Variants in DEAF1 observed in about 807,000 individuals in gnomAD.
DEAF1 encodes the protein deformed epidermal autoregulatory factor 1 homolog.
Under a neutral mutation model 58.9 loss-of-function variants are expected in DEAF1, and 53 were observed. The ratio of observed to expected loss-of-function variants is 0.90; its 90% CI spans 0.72 to 1.13. The LOEUF is 1.13. Among genes scored for constraint, DEAF1 ranks in the 50% most tolerant of loss-of-function variants. The pLI, the probability that DEAF1 is intolerant of heterozygous loss-of-function variation, is 0.00. For missense variants in DEAF1, 685 were observed against 791.4 expected (o/e 0.87, Z 1.61); for synonymous variants, 385 against 340.4 (o/e 1.13, Z -1.44).
chr11:694,852 C>T lies in DEAF1; in HGVS notation c.196G>A (p.Val66Met). ...CCGGGCTCCGCCGCCATCACCGCCA[C>T]TGCCGTGACCCGCGGCGTCTCCCGC... ...AERETPRVTAVAVMAAEPGHM... is the reference protein window; with the variant it reads ...AERETPRVTAMAVMAAEPGHM... Residue 66 changes from valine (V) to methionine (M), a missense_variant, in exon 1 of 12, where the codon GTG becomes ATG. By Grantham distance (21) the Val-to-Met change is conservative. Around this residue, in one of 3 missense-constraint regions of DEAF1, gnomAD observed 210 missense variants for 177.3 expected, o/e 1.18. Coordinates refer to ENST00000382409, the MANE Select transcript of DEAF1 (RefSeq NM_021008.4). 2 of 1,490,768 alleles carry T rather than the reference C, an allele frequency of 1.3e-6. No individual in the cohort carries two copies. The highest frequency in any genetic ancestry group is 1.3e-5 in the South Asian group (1 of 78,004). The allele number at this position is 1,490,768 out of a possible 1,614,324, so 92.3% of individuals were successfully genotyped here.
At chr11:690,368 G>A (rs1389946964) in intron 2 of DEAF1, among the ~76,000 whole-genome samples, 2 of 113,012 alleles carry the variant, frequency 1.8e-5, no homozygotes, top group Non-Finnish European at 3.7e-5. Flanking sequence ...GGGGAGGGGA[G>A]GGCAGGGGAG....
chr11:690,321 G>C (rs1194362464), intron 2 of DEAF1, among the ~76,000 whole-genome samples: 143 of 3,720 alleles, frequency 0.038, no homozygotes, highest in Non-Finnish European at 0.12. Flanking sequence ...GAGGGCAGGG[G>C]AGGGCAGGGG....
intron 11 of DEAF1, chr11:651,476 A>G (rs1341944951): frequency 6.9e-6 from 2 of 287,992 alleles, no homozygotes; most frequent in Non-Finnish European, 1.3e-5. Context: ...AGGATGTTTT[A>G]TAATGATAAA....
chr11:698,594 G>A (rs1188875430), upstream of DEAF1, among the ~76,000 whole-genome samples: 1 of 152,122 alleles, frequency 6.6e-6, no homozygotes, highest in African/African-American at 2.4e-5. Context: ...GGGCCAGCTG[G>A]GTCTGGCCCA....
chr11:688,500 T>G lies in DEAF1; in HGVS notation c.388-40A>C. On this transcript the variant is annotated intron_variant, in intron 2 of 11. Coordinates refer to ENST00000382409, the MANE Select transcript of DEAF1 (RefSeq NM_021008.4). The surrounding 1 kb of genome is among the most constrained non-coding windows in gnomAD (Gnocchi z 4.3). ...CGCTCCGTCAGGTCACGTCCGAGAG[T>G]GACACCAGGCGTGTCACTGAGCCCA... 1 of 1,611,840 alleles carries G rather than the reference T, an allele frequency of 6.2e-7. No individual in the cohort carries two copies. Among genetic ancestry groups the G allele is most frequent in the Non-Finnish European group, 8.5e-7 (1 of 1,179,826 alleles).
At chr11:696,158 G>A (rs1861144681), upstream of DEAF1, among the ~76,000 whole-genome samples, 1 of 152,208 alleles carries the variant, frequency 6.6e-6, no homozygotes, top group African/African-American at 2.4e-5. Flanking sequence ...ACACGTGGGC[G>A]GGATGGGCGC....
chr11:688,036 G>C lies in DEAF1; in HGVS notation c.539C>G (p.Pro180Arg), dbSNP rs749596633. 2 of 1,614,084 alleles carry C rather than the reference G, an allele frequency of 1.2e-6. No homozygotes were observed. The highest frequency in any genetic ancestry group is 8.5e-7 in the Non-Finnish European group (1 of 1,180,028). Residue 180 changes from proline (P) to arginine (R), a missense_variant, in exon 4 of 12, where the codon CCT (proline) becomes CGT (arginine). Transcript: ENST00000382409. The surrounding 1 kb of genome is among the most constrained non-coding windows in gnomAD (Gnocchi z 4.3). ...ACCTTTTTCTTGGCCGGGAGCCAGA[G>C]GGGTTGGAGGAGACTGAGGACCTTG... The part of the protein sequence containing the change: ...LTPGPQSPPT[P>R]LAPGQEKGGT...
chr11:704,902 G>A (rs1861650012), intron 1 of DEAF1: 1 of 355,494 alleles, frequency 2.8e-6, no homozygotes, highest in African/African-American at 2.1e-5. Context: ...CCTCCAGGAA[G>A]GGTGAGGGCA....
intron 10 of DEAF1, among the ~76,000 whole-genome samples, chr11:655,121 G>A (rs917527925): frequency 2.4e-4 from 35 of 147,750 alleles, no homozygotes; most frequent in Non-Finnish European, 4.7e-4. Flanking sequence ...ACTCCAAGGA[G>A]CTTCACTCCA....
rs1590004788 is a variant in DEAF1, at chr11:679,524, G to A, written c.1126+164C>T. On this transcript the variant is annotated intron_variant, in intron 8 of 11. Transcript: ENST00000382409. Reference sequence around the variant, plus strand: ...ACGCCAACCCCATCCACACTGCACCGCCCACCTGACGTGGCTCACACGCTG... The same window carrying A: ...ACGCCAACCCCATCCACACTGCACCACCCACCTGACGTGGCTCACACGCTG... 3.9e-5 allele frequency among the ~76,000 whole-genome samples: 6 copies of A among 152,266 alleles called. No homozygotes were observed. The South Asian group carries it at 1.2e-3, about 32-fold the overall frequency.
chr11:695,846 G>A (rs1243669498), upstream of DEAF1: 7 of 1,229,612 alleles, frequency 5.7e-6, no homozygotes, highest in Non-Finnish European at 7.1e-6. Flanking sequence ...CCCGCGGCGA[G>A]GTGAGCTCGG....
intron 10 of DEAF1, chr11:674,051 G>A (rs1194639479): frequency 3.8e-6 from 1 of 260,178 alleles, no homozygotes; most frequent in Non-Finnish European, 7.5e-6. Context: ...CTCCCACCAT[G>A]CACAGGAGCC....
rs573304575 is a variant in DEAF1 at position 662,717 on chromosome 11, G to C, written c.1504-8666C>G. ...CTAATTCAGAACCATCATCTCACCA[G>C]AACACAACGGCCTTGCTCCTGCCTG... On this transcript the variant is annotated intron_variant, in intron 10 of 11. Transcript: ENST00000382409. Among the ~76,000 whole-genome samples the C allele has an allele frequency of 3.9e-5, 6 of 152,284 alleles. No individual in the cohort carries two copies. In the South Asian group the frequency reaches 1.2e-3, roughly 32 times the overall value.
chr11:700,219 G>A (rs1431589221), upstream of DEAF1: 27 of 1,613,730 alleles, frequency 1.7e-5, no homozygotes, highest in Admixed American at 2.7e-4. Flanking sequence ...CCACGCTCCT[G>A]ATGATCACGT....
intron 5 of DEAF1, among the ~76,000 whole-genome samples, chr11:685,756 A>G (rs1026993928): frequency 1.3e-5 from 2 of 150,634 alleles, no homozygotes; most frequent in Non-Finnish European, 3.0e-5. Context: ...TGGCTCACAC[A>G]TGTAATCCCA....
Position 678,739 on chromosome 11 carries a change from C to G in DEAF1, c.1210G>C (p.Ala404Pro), listed in dbSNP as rs908349407. The G allele has an allele frequency of 1.2e-6, 2 of 1,614,130 alleles. No homozygotes were observed. Among genetic ancestry groups the G allele is most frequent in the Non-Finnish European group, 1.7e-6 (2 of 1,180,000 alleles). ...YPGYQDSCQI[A>P]PFPEAALPTS... ...GGCAACGCAGCTTCTGGAAACGGTG[C>G]GATCTGGCAGCTGTCCTGATAGCCG... Residue 404 changes from alanine to proline, a missense_variant, in exon 9 of 12, where the codon GCA becomes CCA. By Grantham distance (27) the Ala-to-Pro change is conservative. Around this residue, in one of 3 missense-constraint regions of DEAF1, gnomAD observed 343 missense variants for 379.8 expected, o/e 0.90. Transcript: ENST00000382409.
chr11:698,942 G>T, upstream of DEAF1: 1 of 1,608,518 alleles, frequency 6.2e-7, no homozygotes, highest in Non-Finnish European at 8.5e-7. Context: ...AATTGCTGCT[G>T]CACAGAGAGC....
At chr11:698,513 A>C (rs1861300847), upstream of DEAF1, among the ~76,000 whole-genome samples, 1 of 152,214 alleles carries the variant, frequency 6.6e-6, no homozygotes, top group Admixed American at 6.5e-5. Context: ...AATACGGAGA[A>C]GCCACAGACG....
intron 10 of DEAF1, among the ~76,000 whole-genome samples, chr11:662,202 C>G (rs6598005): frequency 0.16 from 24,175 of 152,116 alleles, 2,282 homozygotes; most frequent in African/African-American, 0.27. Context: ...TCGCTTGATC[C>G]CGGGAGGCAG....
Sources: gnomAD v4.1 joint callset for allele counts (sites outside exome capture counted in the v4.1 genomes callset) on GRCh38, gnomAD v4.1.1 for gene constraint, gnomAD v4.1.1 regional missense constraint, Gnocchi (gnomAD v3.1) non-coding constraint, MANE v1.5 for transcripts, NCBI Gene and HGNC (gene_info 2026-07-23, HGNC 2026-07-21) for gene names.